Variants in SLC25A18 observed in about 807,000 individuals in gnomAD.
The protein encoded by SLC25A18 is solute carrier family 25 member 18.
Under a neutral mutation model 31.1 loss-of-function variants are expected in SLC25A18, and 24 were observed. That is an observed-to-expected ratio of 0.77 (90% CI 0.56 to 1.08). The LOEUF (loss-of-function observed/expected upper bound fraction) is 1.08. SLC25A18 is among the 50% of genes least tolerant of loss of function. The probability of loss-of-function intolerance (pLI) is 0.00; values close to 1 mark genes in which losing one functional copy is unlikely to be tolerated. For synonymous variants in SLC25A18, 173 were observed against 161.9 expected, an observed-to-expected ratio of 1.07 and a Z score of -0.52; for missense variants, 371 against 418.5, an observed-to-expected ratio of 0.89 and a Z score of 0.99.
intron 5 of SLC25A18, chr22:17,581,693 G>C: frequency 2.1e-6 from 1 of 470,780 alleles, no homozygotes; most frequent in East Asian, 3.6e-5. Context: ...CGAAGAGAGA[G>C]AGGCTGAAAG....
chr22:17,577,585 T>C (rs2057262132), intron 2 of SLC25A18, among the ~76,000 whole-genome samples: 1 of 147,718 alleles, frequency 6.8e-6, no homozygotes, highest in Admixed American at 6.9e-5. Flanking sequence ...GTCTATTTTT[T>C]TTTTTTTTTT....
intron 2 of SLC25A18, among the ~76,000 whole-genome samples, chr22:17,577,135 A>G (rs695783): frequency 0.33 from 50,126 of 151,572 alleles, 8,632 homozygotes; most frequent in East Asian, 0.56. Context: ...CCATTCTCCT[A>G]CCTCAGACTC....
chr22:17,588,760 G>A (rs1323832133), intron 9 of SLC25A18: 3 of 152,110 alleles, frequency 2.0e-5, no homozygotes, highest in African/African-American at 7.2e-5. Flanking sequence ...CTAAACTTGC[G>A]GGTAGACTTC....
chr22:17,574,830 T>TTTATTATTATTTTTA (rs2057190616), intron 2 of SLC25A18, among the ~76,000 whole-genome samples: 1 of 137,832 alleles, frequency 7.3e-6, no homozygotes, highest in African/African-American at 2.9e-5. Flanking sequence ...CAATGTTCCC[T>TTTATTATTATTTTTA]TTATTATTAT....
chr22:17,576,353 CAA>C (rs572658984), intron 2 of SLC25A18, among the ~76,000 whole-genome samples: 4 of 122,788 alleles, frequency 3.3e-5, no homozygotes, highest in African/African-American at 1.2e-4. Context: ...GACTCCGTCT[CAA>C]AAAAAAAAAG....
At chr22:17,569,666 C>A in intron 1 of SLC25A18, 38 of 985,452 alleles carry the variant, frequency 3.9e-5, no homozygotes, top group Non-Finnish European at 4.6e-5. Flanking sequence ...CTTTTCCCAG[C>A]CTGGACTTTT....
chr22:17,564,699 A>T (rs2056887890), intron 1 of SLC25A18, among the ~76,000 whole-genome samples: 1 of 152,052 alleles, frequency 6.6e-6, no homozygotes, highest in African/African-American at 2.4e-5. Flanking sequence ...TATACTAAAA[A>T]TACAAAAAAT....
At chr22:17,582,938 A>T (rs1337119125) in intron 6 of SLC25A18, among the ~76,000 whole-genome samples, 2 of 152,158 alleles carry the variant, frequency 1.3e-5, no homozygotes, top group Non-Finnish European at 2.9e-5. Context: ...AGCTGGCTGC[A>T]GTGGCTCATG....
At chr22:17,585,942 C>T (rs1448165201) in intron 7 of SLC25A18, among the ~76,000 whole-genome samples, 1 of 151,994 alleles carries the variant, frequency 6.6e-6, no homozygotes, top group Non-Finnish European at 1.5e-5. Flanking sequence ...TGTGAGCCAC[C>T]GTGCCCGGCC....
intron 10 of SLC25A18, 82 bp from the exon 11 acceptor site, chr22:17,590,013 T>G: frequency 6.4e-7 from 1 of 1,565,012 alleles, no homozygotes; most frequent in Non-Finnish European, 8.7e-7. Flanking sequence ...AAATGAGAGG[T>G]GCACAAATGG....
chr22:17,590,089 C>T lies in SLC25A18; in HGVS notation c.807-6C>T. 1 of 1,613,902 alleles carries T rather than the reference C, an allele frequency of 6.2e-7. No individual in the cohort carries two copies. Among genetic ancestry groups the T allele is most frequent in the Non-Finnish European group, 8.5e-7 (1 of 1,180,046 alleles). On this transcript the variant is annotated splice_polypyrimidine_tract_variant and splice_region_variant and intron_variant, in intron 10 of 10. Transcript: ENST00000327451. ...CATCAGCTCACTGGCTCTTCTTTCT[C>T]CCCAGGAAACTCTGGATTCAGGAGG... is the stretch of plus-strand genomic sequence containing the variant.
intron 5 of SLC25A18, 130 bp downstream of exon 5, chr22:17,581,543 T>C: frequency 9.8e-7 from 1 of 1,024,026 alleles, no homozygotes; most frequent in Non-Finnish European, 1.5e-6. Flanking sequence ...GATGAGCCTC[T>C]GTGCTCTTGG....
At chr22:17,577,942 G>GAGGC (rs2057275504) in intron 2 of SLC25A18, among the ~76,000 whole-genome samples, 1 of 150,392 alleles carries the variant, frequency 6.6e-6, no homozygotes, top group Non-Finnish European at 1.5e-5. Context: ...CTTCCAAAGT[G>GAGGC]TTGGGATTAC....
intron 5 of SLC25A18, chr22:17,582,269 G>T: frequency 9.7e-6 from 2 of 206,114 alleles, no homozygotes; most frequent in East Asian, 1.1e-4. Context: ...CCAGCTACTA[G>T]GGAGGCCGAG....
intron 2 of SLC25A18, among the ~76,000 whole-genome samples, chr22:17,577,611 C>T (rs587630368): frequency 5.8e-5 from 8 of 136,762 alleles, no homozygotes; most frequent in Admixed American, 2.4e-4. Context: ...GATGGAGGCT[C>T]GCTGTGTCAC....
intron 2 of SLC25A18, among the ~76,000 whole-genome samples, chr22:17,572,741 A>G (rs1439880970): frequency 3.1e-4 from 41 of 133,972 alleles, no homozygotes; most frequent in South Asian, 2.3e-3. Flanking sequence ...TCCCGGGTTC[A>G]CACCATTCTC....
At chr22:17,582,687 CTG>C (rs1348211158) in intron 6 of SLC25A18, 34 bp downstream of exon 6, 8 of 1,556,368 alleles carry the variant, frequency 5.1e-6, no homozygotes, top group Non-Finnish European at 7.0e-6. Context: ...GGATCCTTCA[CTG>C]TGTGTTTTTT....
chr22:17,573,377 C>A (rs545439996), intron 2 of SLC25A18, among the ~76,000 whole-genome samples: 11 of 152,118 alleles, frequency 7.2e-5, no homozygotes, highest in Non-Finnish European at 1.0e-4. Context: ...CCCACTTCCC[C>A]CCAAAACCTG....
In SLC25A18 at chr22:17,570,142, G is replaced by A. The variant is rs999839672; in HGVS notation, c.-201+156G>A. The stretch of plus-strand genomic sequence containing the variant: ...TCAGAAGGGGTGGGCACGAGGAAGT[G>A]GCCGCCCCTGACCATGGGGTATCCC... On this transcript the variant is annotated intron_variant, in intron 2 of 10. Transcript: ENST00000327451. The A allele has an allele frequency of 4.2e-5, 15 of 353,282 alleles. No individual in the cohort carries two copies. The Admixed American group carries it at 4.5e-4, about 11-fold the overall frequency. 21.9% of individuals were successfully genotyped at this position (353,282 alleles called of 1,614,324 possible). A position where few individuals can be genotyped will look rare whatever the true frequency, so the allele number is the denominator to read the frequency against.
Sources: allele counts gnomAD v4.1 joint callset (sites outside exome capture counted in the v4.1 genomes callset), GRCh38; gene constraint gnomAD v4.1.1; transcripts MANE v1.5; gene names NCBI Gene and HGNC (gene_info 2026-07-23, HGNC 2026-07-21).